AGBL4: variants seen among roughly 807,000 people sequenced by gnomAD.
AGBL4 encodes cytosolic carboxypeptidase 6.
Under a neutral mutation model 66.4 loss-of-function variants are expected in AGBL4, and 58 were observed. The observed-to-expected ratio is 0.87, with a 90% CI of 0.71 to 1.09. AGBL4 has a LOEUF of 1.09. AGBL4 is among the 50% of genes least tolerant of loss of function. AGBL4 has a pLI of 0.00. For synonymous variants in AGBL4, 234 were observed against 222.9 expected (o/e 1.05, Z -0.44); for missense variants, 579 against 631.0 (o/e 0.92, Z 0.88).
intron 6 of AGBL4, among the ~76,000 whole-genome samples, chr1:48,841,412 CA>C (rs1426156364): frequency 4.1e-3 from 271 of 65,992 alleles, no homozygotes; most frequent in African/African-American, 0.013. Flanking sequence ...CCCCCCCCCC[CA>C]AAAAAAAAGA....
At chr1:48,705,690 C>T (rs1401757162) in intron 6 of AGBL4, among the ~76,000 whole-genome samples, 1 of 152,164 alleles carries the variant, frequency 6.6e-6, no homozygotes, top group Non-Finnish European at 1.5e-5. Flanking sequence ...CAAAATTACA[C>T]AGTAATGTTA....
rs565541627 is a variant in AGBL4, at chr1:49,158,232, G to A, written c.377+87538C>T. Reference sequence around the variant, plus strand: ...ACCTAAAACCATAAAAACCCTAGAAGAAAACCTAGGCAATACCATTCAGGA... The same window carrying A: ...ACCTAAAACCATAAAAACCCTAGAAAAAAACCTAGGCAATACCATTCAGGA... On this transcript the variant is annotated intron_variant, in intron 4 of 13. Coordinates refer to ENST00000371839, the MANE Select transcript of AGBL4 (RefSeq NM_032785.4). Among the ~76,000 whole-genome samples the A allele has an allele frequency of 2.0e-5, 3 of 152,214 alleles. No homozygotes were observed. The South Asian group carries it at 6.2e-4, about 32-fold the overall frequency.
chr1:49,971,225 A>G (rs1041749968), intron 1 of AGBL4, among the ~76,000 whole-genome samples: 2 of 152,188 alleles, frequency 1.3e-5, no homozygotes, highest in African/African-American at 2.4e-5. Context: ...GAGTAGCACA[A>G]TGATATCTTG....
chr1:49,459,811 C>T (rs1646471180), intron 3 of AGBL4, among the ~76,000 whole-genome samples: 1 of 151,622 alleles, frequency 6.6e-6, no homozygotes, highest in African/African-American at 2.4e-5. Flanking sequence ...ATGAATAGTT[C>T]TCTTGGCACT....
intron 11 of AGBL4, among the ~76,000 whole-genome samples, chr1:48,571,100 T>A (rs1644556314): frequency 6.6e-6 from 1 of 152,210 alleles, no homozygotes; most frequent in Non-Finnish European, 1.5e-5. Flanking sequence ...TGACATGCAT[T>A]AGCTCATTTA....
At chr1:49,274,299 C>T (rs895282336) in intron 3 of AGBL4, among the ~76,000 whole-genome samples, 2 of 151,638 alleles carry the variant, frequency 1.3e-5, no homozygotes, top group African/African-American at 4.9e-5. Flanking sequence ...CAAGAGAGTC[C>T]AAGAGAGATA....
chr1:49,123,888 GCTT>G (rs915717913), intron 4 of AGBL4, among the ~76,000 whole-genome samples: 4 of 152,106 alleles, frequency 2.6e-5, no homozygotes, highest in African/African-American at 4.8e-5. Context: ...CTTACTCCTG[GCTT>G]CTTCTTTTTC....
chr1:49,975,177 A>T (rs1658452968), intron 1 of AGBL4, among the ~76,000 whole-genome samples: 1 of 152,250 alleles, frequency 6.6e-6, no homozygotes, highest in African/African-American at 2.4e-5. Context: ...AGAAAACAAG[A>T]TAAAATATTA....
chr1:49,189,574 G>T (rs1032022048), intron 4 of AGBL4, among the ~76,000 whole-genome samples: 1 of 152,164 alleles, frequency 6.6e-6, no homozygotes, highest in African/African-American at 2.4e-5. Context: ...GAGGCTCAGA[G>T]ATTAAATGTC....
intron 4 of AGBL4, among the ~76,000 whole-genome samples, chr1:49,100,817 C>T (rs1022975158): frequency 1.3e-5 from 2 of 152,176 alleles, no homozygotes; most frequent in Admixed American, 1.3e-4. Context: ...ATATTACGTT[C>T]CTACTCTGTG....
At chr1:49,442,664 G>A (rs554986177) in intron 3 of AGBL4, among the ~76,000 whole-genome samples, 3 of 152,242 alleles carry the variant, frequency 2.0e-5, no homozygotes, top group South Asian at 2.1e-4. Context: ...ATTAATAGAC[G>A]CTTACGTTGA....
intron 10 of AGBL4, among the ~76,000 whole-genome samples, chr1:48,587,729 G>A (rs542890052): frequency 2.0e-5 from 3 of 151,424 alleles, no homozygotes; most frequent in South Asian, 4.2e-4. Context: ...TGCAAGCTCC[G>A]TCTCCCTGGT....
At chr1:48,681,530 C>A (rs1030744668) in intron 6 of AGBL4, among the ~76,000 whole-genome samples, 3 of 152,154 alleles carry the variant, frequency 2.0e-5, no homozygotes, top group Admixed American at 2.0e-4. Context: ...ACTCCAGAGC[C>A]CTCAGTGGCA....
chr1:49,152,110 C>T (rs908733405), intron 4 of AGBL4, among the ~76,000 whole-genome samples: 1 of 151,964 alleles, frequency 6.6e-6, no homozygotes, highest in African/African-American at 2.4e-5. Flanking sequence ...AAAGTAGAAA[C>T]TATCATTCCC....
chr1:48,748,545 T>C (rs1399238230), intron 6 of AGBL4, among the ~76,000 whole-genome samples: 2 of 152,094 alleles, frequency 1.3e-5, no homozygotes, highest in African/African-American at 2.4e-5. Context: ...TAGGAAATCT[T>C]CATAAGGACG....
At chr1:48,850,690 A>G (rs888281570) in intron 6 of AGBL4, among the ~76,000 whole-genome samples, 1 of 152,078 alleles carries the variant, frequency 6.6e-6, no homozygotes, top group Non-Finnish European at 1.5e-5. Context: ...ACACCTGACT[A>G]ATTTTCTGTA....
intron 6 of AGBL4, among the ~76,000 whole-genome samples, chr1:48,732,562 A>T (rs1443540815): frequency 1.3e-5 from 2 of 151,680 alleles, no homozygotes; most frequent in Non-Finnish European, 1.5e-5. Flanking sequence ...CTTTAGACTG[A>T]GTGGCTGGGG....
At chr1:49,078,253 C>T (rs959665284) in intron 4 of AGBL4, among the ~76,000 whole-genome samples, 1 of 152,178 alleles carries the variant, frequency 6.6e-6, no homozygotes, top group African/African-American at 2.4e-5. Context: ...TATGTCCTAT[C>T]TCATGCTGTA....
At chr1:48,882,820 A>G (rs567180043) in intron 5 of AGBL4, among the ~76,000 whole-genome samples, 1 of 152,122 alleles carries the variant, frequency 6.6e-6, no homozygotes, top group African/African-American at 2.4e-5. Flanking sequence ...CTCTGTTTCT[A>G]TTAGCTCAAC....
Sources: allele counts gnomAD v4.1 joint callset (sites outside exome capture counted in the v4.1 genomes callset), GRCh38; gene constraint gnomAD v4.1.1; transcripts MANE v1.5; gene names NCBI Gene and HGNC (gene_info 2026-07-23, HGNC 2026-07-21).